The following NEK10 variants were observed in gnomAD, a reference collection of about 807,000 sequenced individuals.
The protein encoded by NEK10 is serine/threonine-protein kinase Nek10.
Under a neutral mutation model 159.8 loss-of-function variants are expected in NEK10, and 122 were observed. The observed-to-expected ratio is 0.76, with a 90% CI of 0.66 to 0.89. The LOEUF (loss-of-function observed/expected upper bound fraction) is 0.89, where lower values mean the gene tolerates loss of function less well. NEK10 is among the 40% of genes least tolerant of loss of function. The pLI, the probability that NEK10 is intolerant of heterozygous loss-of-function variation, is 0.00. For synonymous variants in NEK10, 466 were observed against 457.1 expected (o/e 1.02, Z -0.25); for missense variants, 1,342 against 1,323.1 (o/e 1.01, Z -0.22).
intron 19 of NEK10, among the ~76,000 whole-genome samples, chr3:27,287,978 C>T (rs1006449734): frequency 2.6e-5 from 4 of 152,122 alleles, no homozygotes; most frequent in South Asian, 2.1e-4. Context: ...AAATTAAAAA[C>T]GTTCTATCAC....
chr3:27,192,425 G>A (rs550784263), intron 25 of NEK10, among the ~76,000 whole-genome samples, 183 bp from the exon 26 acceptor site: 2 of 152,202 alleles, frequency 1.3e-5, no homozygotes, highest in African/African-American at 2.4e-5. Context: ...CATTTGGAAA[G>A]CTAAGGAAGG....
intron 23 of NEK10, chr3:27,215,917 T>G: frequency 1.5e-6 from 1 of 680,436 alleles, no homozygotes; most frequent in Admixed American, 2.1e-5. Context: ...CTCACCATCA[T>G]GAGAACAGCA....
Position 27,192,125 on chromosome 3 carries a change from C to G in NEK10, c.2409G>C (p.Lys803Asn). 1 of 1,614,198 alleles carries G rather than the reference C, an allele frequency of 6.2e-7. No individual in the cohort carries two copies. Among genetic ancestry groups the G allele is most frequent in the East Asian group, 2.2e-5 (1 of 44,886 alleles). The change falls in exon 26 of 36, where the codon AAG becomes AAC. Residue 803 changes from lysine to asparagine, a missense_variant. Transcript: ENST00000691995. ...NLSTSQLSLE[K>N]KLERERRRTQ... ...TGCGTCTTCGTTCCCGTTCTAGCTT[C>G]TTTTCCAAGGACAACTGGGATGTAG...
At chr3:27,332,610 C>CCTTGT (rs1559515757) in intron 5 of NEK10, among the ~76,000 whole-genome samples, 13 of 152,048 alleles carry the variant, frequency 8.5e-5, no homozygotes, top group Admixed American at 5.2e-4. Context: ...TTCACAAATA[C>CCTTGT]ATAATATTTG....
chr3:27,360,377 A>C (rs1248295053), intron 1 of NEK10, among the ~76,000 whole-genome samples: 1 of 152,218 alleles, frequency 6.6e-6, no homozygotes, highest in African/African-American at 2.4e-5. Flanking sequence ...ATAAAAAATG[A>C]AGCAAAACAA....
chr3:27,355,703 C>G (rs2048281990), intron 1 of NEK10, among the ~76,000 whole-genome samples: 1 of 152,086 alleles, frequency 6.6e-6, no homozygotes, highest in African/African-American at 2.4e-5. Flanking sequence ...TCAGGAACCC[C>G]AGGGAATGCT....
chr3:27,369,206 C>G lies in NEK10; in HGVS notation c.-38+19G>C, dbSNP rs934267613. The G allele has an allele frequency of 1.3e-5, 2 of 152,228 alleles. No individual in the cohort carries two copies. The highest frequency in any genetic ancestry group is 4.1e-4 in the South Asian group (2 of 4,832). The allele number at this position is 152,228 out of a possible 1,614,324, so 9.4% of individuals were successfully genotyped here. A position where few individuals can be genotyped will look rare whatever the true frequency, so the allele number is the denominator to read the frequency against. The stretch of plus-strand genomic sequence containing the variant: ...AGCTGCTCGCCGGCACAGCCGAGCA[C>G]CGGCTCCCGCCTACTCACCGCGCGG... On this transcript the variant is annotated intron_variant, in intron 1 of 35. Coordinates refer to ENST00000691995, the MANE Select transcript of NEK10 (RefSeq NM_001394966.1). This position sits in a 1 kb window ranked among gnomAD's most constrained non-coding sequence, Gnocchi z 4.2.
intron 6 of NEK10, among the ~76,000 whole-genome samples, chr3:27,316,758 G>T (rs1184381227): frequency 6.9e-6 from 1 of 145,736 alleles, no homozygotes; most frequent in Non-Finnish European, 1.5e-5. Context: ...TGCAGTGGAT[G>T]GAATTAGGCA....
chr3:27,301,985 G>T, intron 12 of NEK10, 150 bp from the exon 13 acceptor site: 1 of 647,192 alleles, frequency 1.5e-6, no homozygotes, highest in South Asian at 2.0e-5. Context: ...ATTGATTTTT[G>T]TGTATGGTGT....
intron 3 of NEK10, among the ~76,000 whole-genome samples, chr3:27,350,602 C>A (rs58943232): frequency 6.6e-6 from 1 of 151,854 alleles, no homozygotes; most frequent in Non-Finnish European, 1.5e-5. Flanking sequence ...CTGAATAACT[C>A]AAGCATTACA....
intron 5 of NEK10, among the ~76,000 whole-genome samples, chr3:27,336,117 C>A (rs2046784161): frequency 6.6e-6 from 1 of 151,940 alleles, no homozygotes; most frequent in Non-Finnish European, 1.5e-5. Context: ...GCTAGCTAGA[C>A]TAACAAAGAC....
Position 27,304,818 on chromosome 3 carries a change from A to G in NEK10, c.957T>C (p.Cys319=). The G allele has an allele frequency of 6.2e-7, 1 of 1,613,934 alleles. No homozygotes were observed. The highest frequency in any genetic ancestry group is 8.5e-7 in the Non-Finnish European group (1 of 1,179,844). Residue 319 remains cysteine (C), a synonymous_variant, in exon 12 of 36, where the codon TGT becomes TGC. Coordinates refer to ENST00000691995, the MANE Select transcript of NEK10 (RefSeq NM_001394966.1). ...WSIVWILVQV[C]EDPETSVEIR... is the part of the protein sequence containing the mutation. Reference sequence around the variant, plus strand: ...TTTCCACGCTGGTCTCAGGGTCCTCACAAACCTGTACCAGAATCCAGACAA... The same window carrying G: ...TTTCCACGCTGGTCTCAGGGTCCTCGCAAACCTGTACCAGAATCCAGACAA...
In NEK10 at chr3:27,234,392, A is replaced by G. The variant is rs114043698; in HGVS notation, c.2090+21904T>C. On this transcript the variant is annotated intron_variant, in intron 23 of 35. Transcript: ENST00000691995. Reference sequence around the variant, plus strand: ...ATTGTCTCATCCCAAAAATTTCTTAAGCTGGTGATCAACTTCAGCAAAGTC... The same window carrying G: ...ATTGTCTCATCCCAAAAATTTCTTAGGCTGGTGATCAACTTCAGCAAAGTC... 1.2e-3 allele frequency among the ~76,000 whole-genome samples: 186 copies of G among 152,310 alleles called. 1 individual carries two copies. Among genetic ancestry groups the G allele is most frequent in the Non-Finnish European group, 2.3e-3 (157 of 68,002 alleles).
intron 23 of NEK10, among the ~76,000 whole-genome samples, chr3:27,203,513 G>A (rs913780333): frequency 6.6e-6 from 1 of 152,004 alleles, no homozygotes; most frequent in Admixed American, 6.6e-5. Context: ...TGAACATTTT[G>A]TACTAATAGA....
intron 32 of NEK10, among the ~76,000 whole-genome samples, chr3:27,125,293 C>A (rs1234401496): frequency 6.6e-6 from 1 of 152,030 alleles, no homozygotes; most frequent in African/African-American, 2.4e-5. Context: ...CAAACAACAT[C>A]TTTTTCATAT....
At chr3:27,260,285 C>T (rs1169797277) in intron 22 of NEK10, among the ~76,000 whole-genome samples, 2 of 152,220 alleles carry the variant, frequency 1.3e-5, no homozygotes, top group African/African-American at 2.4e-5. Flanking sequence ...AGAGGGCGTC[C>T]CTGTCTTGTG....
chr3:27,197,201 G>A (rs1405705892), intron 25 of NEK10, among the ~76,000 whole-genome samples: 1 of 151,704 alleles, frequency 6.6e-6, no homozygotes, highest in African/African-American at 2.4e-5. Context: ...TTGAGATGGA[G>A]TTTTGCTCTT....
At chr3:27,121,154 T>C (rs1188720976) in intron 32 of NEK10, among the ~76,000 whole-genome samples, 1 of 152,178 alleles carries the variant, frequency 6.6e-6, no homozygotes, top group Non-Finnish European at 1.5e-5. Context: ...CATCTTTTTT[T>C]CATAATAACT....
intron 26 of NEK10, among the ~76,000 whole-genome samples, chr3:27,186,621 A>G (rs1010167361): frequency 4.6e-5 from 7 of 152,230 alleles, no homozygotes; most frequent in African/African-American, 1.7e-4. Context: ...AAGAAGCTTC[A>G]TGATCATCAT....
Sources: gnomAD v4.1 joint callset for allele counts (sites outside exome capture counted in the v4.1 genomes callset) on GRCh38, gnomAD v4.1.1 for gene constraint, Gnocchi (gnomAD v3.1) non-coding constraint, MANE v1.5 for transcripts, NCBI Gene and HGNC (gene_info 2026-07-23, HGNC 2026-07-21) for gene names.